Variants in B3GALT1 observed in about 807,000 individuals in gnomAD.
B3GALT1 encodes the protein beta-1,3-galactosyltransferase 1.
Under a neutral mutation model 23.2 loss-of-function variants are expected in B3GALT1, and 10 were observed. The observed-to-expected ratio is 0.43, with a 90% CI of 0.27 to 0.73. B3GALT1 has a LOEUF of 0.73. Ranked by LOEUF, B3GALT1 falls within the 30% of genes least tolerant of loss-of-function variation. B3GALT1 has a pLI of 0.21. For synonymous variants in B3GALT1, 156 were observed against 141.5 expected, an observed-to-expected ratio of 1.10 and a Z score of -0.73; for missense variants, 299 against 405.4, an observed-to-expected ratio of 0.74 and a Z score of 2.25.
chr2:167,511,747 A>T (rs1700007906), intron 2 of B3GALT1, among the ~76,000 whole-genome samples: 1 of 152,180 alleles, frequency 6.6e-6, no homozygotes, highest in African/African-American at 2.4e-5. Flanking sequence ...TGTATTTTGC[A>T]AATTTTCTAC....
intron 1 of B3GALT1, among the ~76,000 whole-genome samples, chr2:167,375,112 T>G (rs993443136): frequency 6.6e-6 from 1 of 152,116 alleles, no homozygotes; most frequent in Non-Finnish European, 1.5e-5. Flanking sequence ...CATTGCTTAT[T>G]TTTTTGTCAA....
At chr2:167,444,370 T>A (rs1399867684) in intron 1 of B3GALT1, among the ~76,000 whole-genome samples, 2 of 152,228 alleles carry the variant, frequency 1.3e-5, no homozygotes, top group African/African-American at 4.8e-5. Flanking sequence ...ATCAGGATGA[T>A]CCTGGCCTCA....
At chr2:167,731,565 T>G (rs1375316) in intron 3 of B3GALT1, among the ~76,000 whole-genome samples, 35,179 of 152,168 alleles carry the variant, frequency 0.23, 4,606 homozygotes, top group East Asian at 0.39. Flanking sequence ...TTTGTTTTGT[T>G]ACAGTACTAC....
intron 3 of B3GALT1, among the ~76,000 whole-genome samples, chr2:167,760,335 C>G (rs932279826): frequency 5.3e-5 from 8 of 152,054 alleles, no homozygotes; most frequent in African/African-American, 1.9e-4. Flanking sequence ...TTAACTTGAC[C>G]AGAATTATGA....
chr2:167,840,943 C>A (rs1384739911), intron 4 of B3GALT1, among the ~76,000 whole-genome samples: 1 of 147,548 alleles, frequency 6.8e-6, no homozygotes, highest in Non-Finnish European at 1.5e-5. Flanking sequence ...CCAAACACCG[C>A]ATATTCTCAC....
intron 1 of B3GALT1, among the ~76,000 whole-genome samples, chr2:167,404,258 A>C (rs907433897): frequency 3.9e-5 from 6 of 152,094 alleles, no homozygotes; most frequent in Non-Finnish European, 8.8e-5. Context: ...CCAGGATGAC[A>C]CCAAGTCATT....
chr2:167,812,205 T>C (rs1251217103), intron 3 of B3GALT1, among the ~76,000 whole-genome samples: 5 of 152,238 alleles, frequency 3.3e-5, no homozygotes, highest in Non-Finnish European at 7.3e-5. Flanking sequence ...CAAGGCATAG[T>C]TTCCTATAAC....
intron 3 of B3GALT1, among the ~76,000 whole-genome samples, chr2:167,748,187 T>C (rs1238754990): frequency 6.6e-6 from 1 of 152,108 alleles, no homozygotes; most frequent in Non-Finnish European, 1.5e-5. Flanking sequence ...CAATGTGATA[T>C]GTGGGGAGTG....
chr2:167,728,180 G>A (rs541167325), intron 3 of B3GALT1, among the ~76,000 whole-genome samples: 1 of 152,290 alleles, frequency 6.6e-6, no homozygotes, highest in South Asian at 2.1e-4. Flanking sequence ...CTGAGGTCAG[G>A]AGTTTGAGAC....
chr2:167,572,833 G>A (rs549450527), intron 2 of B3GALT1, among the ~76,000 whole-genome samples: 2 of 151,898 alleles, frequency 1.3e-5, no homozygotes, highest in South Asian at 4.1e-4. Context: ...GAAGGGACTA[G>A]TAGGTTGGTG....
intron 4 of B3GALT1, among the ~76,000 whole-genome samples, chr2:167,840,873 G>T (rs1181471218): frequency 6.8e-6 from 1 of 147,542 alleles, no homozygotes; most frequent in African/African-American, 2.6e-5. Flanking sequence ...CATGTCCTTT[G>T]TAGGGACATG....
At chr2:167,639,816 C>T (rs1214435691) in intron 2 of B3GALT1, among the ~76,000 whole-genome samples, 1 of 151,992 alleles carries the variant, frequency 6.6e-6, no homozygotes, top group African/African-American at 2.4e-5. Flanking sequence ...AGTTGACATC[C>T]AAATCATTGA....
At chr2:167,806,119 G>T (rs1167121640) in intron 3 of B3GALT1, among the ~76,000 whole-genome samples, 1 of 152,002 alleles carries the variant, frequency 6.6e-6, no homozygotes, top group Non-Finnish European at 1.5e-5. Context: ...TCATTATTTG[G>T]CTCTCTGTTT....
At chr2:167,678,243 G>A (rs1401375489) in intron 3 of B3GALT1, among the ~76,000 whole-genome samples, 2 of 152,272 alleles carry the variant, frequency 1.3e-5, no homozygotes, top group East Asian at 3.9e-4. Flanking sequence ...AGCAACTGCT[G>A]TTGATAGATA....
chr2:167,568,562 C>T (rs978030254), intron 2 of B3GALT1, among the ~76,000 whole-genome samples: 2 of 151,928 alleles, frequency 1.3e-5, no homozygotes, highest in Admixed American at 6.6e-5. Context: ...AGGACTTTGA[C>T]CCATTTTTTA....
intron 3 of B3GALT1, among the ~76,000 whole-genome samples, chr2:167,804,316 GTTTTT>G (rs1187420648): frequency 7.3e-6 from 1 of 136,788 alleles, no homozygotes; most frequent in Non-Finnish European, 1.5e-5. Context: ...GTTTTGTTTT[GTTTTT>G]TTCTTTTTTT....
chr2:167,801,231 G>A (rs927603578), intron 3 of B3GALT1, among the ~76,000 whole-genome samples: 7 of 152,134 alleles, frequency 4.6e-5, no homozygotes, highest in East Asian at 1.9e-4. Flanking sequence ...TGTATTTGTC[G>A]TCTATCAAAG....
At chr2:167,631,263 A>T (rs1574178620) in intron 2 of B3GALT1, among the ~76,000 whole-genome samples, 1 of 151,888 alleles carries the variant, frequency 6.6e-6, no homozygotes, top group Non-Finnish European at 1.5e-5. Context: ...CCTGCTGAAG[A>T]TGCTGATTTG....
At chr2:167,748,464 GATT>G (rs1687684441) in intron 3 of B3GALT1, among the ~76,000 whole-genome samples, 1 of 152,152 alleles carries the variant, frequency 6.6e-6, no homozygotes, top group South Asian at 2.1e-4. Flanking sequence ...CTTTTCCTGA[GATT>G]ATTCTTTTCA....
Sources: gnomAD v4.1 joint callset for allele counts (sites outside exome capture counted in the v4.1 genomes callset) on GRCh38, gnomAD v4.1.1 for gene constraint, MANE v1.5 for transcripts, NCBI Gene and HGNC (gene_info 2026-07-23, HGNC 2026-07-21) for gene names.